The following TSPAN13 variants were observed in gnomAD, a reference collection of about 807,000 sequenced individuals.
TSPAN13 encodes the protein tetraspanin 13.
In TSPAN13, 18 loss-of-function variants were observed where a neutral mutation model predicts 26.9. The observed-to-expected ratio is 0.67, with a 90% CI of 0.46 to 0.99. The LOEUF is 0.99. Ranked by LOEUF, TSPAN13 falls within the 50% of genes least tolerant of loss-of-function variation. TSPAN13 has a pLI of 0.00. For synonymous variants in TSPAN13, 116 were observed against 98.4 expected, an observed-to-expected ratio of 1.18 and a Z score of -1.06; for missense variants, 201 against 249.6, an observed-to-expected ratio of 0.81 and a Z score of 1.31.
In TSPAN13 at chr7:16,767,006, A is replaced by C. The variant is rs567209957; in HGVS notation, c.64-9205A>C. 2.4e-4 allele frequency among the ~76,000 whole-genome samples: 37 copies of C among 152,248 alleles called. 1 individual carries two copies. The highest frequency in any genetic ancestry group is 2.4e-3 in the Admixed American group (37 of 15,292). The stretch of plus-strand genomic sequence containing the variant: ...GAGTGCAGTGGCTATTCCCAAGTGC[A>C]GTCACAACGCACTGCAGCCCAGGAC... On this transcript the variant is annotated intron_variant, in intron 1 of 5. Coordinates refer to ENST00000262067, the MANE Select transcript of TSPAN13 (RefSeq NM_014399.4).
intron 1 of TSPAN13, among the ~76,000 whole-genome samples, chr7:16,768,739 GCTACTTATTAAAGT>G (rs1784638982): frequency 6.6e-6 from 1 of 152,124 alleles, no homozygotes; most frequent in South Asian, 2.1e-4. Context: ...TTGTCACAAG[GCTACTTATTAAAGT>G]CTACTCTTTC....
Position 16,779,062 on chromosome 7 carries a change from T to C in TSPAN13, c.486T>C (p.Ala162=). ...SPCAPIIGEY[A]GEVLRFVGGI... is the part of the protein sequence containing the mutation. ...GTGCTCCAATCATAGGAGAATATGC[T>C]GGAGAGGTTTTGAGATTTGTTGGTG... Residue 162 remains alanine (A), a synonymous_variant, in exon 5 of 6, where the codon GCT becomes GCC. Transcript: ENST00000262067. 1 of 1,614,174 alleles carries C rather than the reference T, an allele frequency of 6.2e-7. No individual in the cohort carries two copies. Among genetic ancestry groups the C allele is most frequent in the Non-Finnish European group, 8.5e-7 (1 of 1,180,016 alleles).
chr7:16,783,196 T>C (rs1278625614), intron 5 of TSPAN13, among the ~76,000 whole-genome samples: 3 of 152,172 alleles, frequency 2.0e-5, no homozygotes, highest in African/African-American at 7.2e-5. Flanking sequence ...ATGGACATCC[T>C]TCAGGGCCAG....
chr7:16,754,131 G>A, intron 1 of TSPAN13, 101 bp downstream of exon 1: 2 of 1,224,414 alleles, frequency 1.6e-6, no homozygotes, highest in East Asian at 2.8e-5. Context: ...GTTGCATCCC[G>A]CGCCCCCTTC....
chr7:16,783,329 G>A, intron 5 of TSPAN13, 88 bp from the exon 6 acceptor site: 2 of 1,326,858 alleles, frequency 1.5e-6, no homozygotes, highest in Non-Finnish European at 2.1e-6. Context: ...GATTGAGAGG[G>A]TCCAAAGTTA....
chr7:16,770,426 T>A (rs1356029261), intron 1 of TSPAN13, among the ~76,000 whole-genome samples: 1 of 152,162 alleles, frequency 6.6e-6, no homozygotes, highest in Non-Finnish European at 1.5e-5. Flanking sequence ...GCCAGACTGC[T>A]CTTGAACAAC....
chr7:16,772,945 G>A (rs778509932), intron 1 of TSPAN13, among the ~76,000 whole-genome samples: 1 of 152,014 alleles, frequency 6.6e-6, no homozygotes, highest in Admixed American at 6.5e-5. Context: ...GCAGTGAGCC[G>A]AAATTGCGCC....
chr7:16,758,163 A>G (rs377174113), intron 1 of TSPAN13, among the ~76,000 whole-genome samples: 30 of 152,254 alleles, frequency 2.0e-4, no homozygotes, highest in African/African-American at 6.7e-4. Flanking sequence ...GATGCATTTT[A>G]TAGTAGATAA....
chr7:16,777,802 A>G lies in TSPAN13; in HGVS notation c.317A>G (p.Gln106Arg), dbSNP rs1784770175. 6 of 1,613,068 alleles carry G rather than the reference A, an allele frequency of 3.7e-6. No homozygotes were observed. Among genetic ancestry groups the G allele is most frequent in the Non-Finnish European group, 5.1e-6 (6 of 1,179,316 alleles). Residue 106 changes from glutamine (Q) to arginine (R), a missense_variant, in exon 4 of 6, where the codon CAG becomes CGG. Gln to Arg is a conservative substitution (Grantham distance 43). Coordinates refer to ENST00000262067, the MANE Select transcript of TSPAN13 (RefSeq NM_014399.4). ...TATATTAAACACATTTACTAGGGTC[A>G]GCTTCTGGAGGTTGGTTGGAACAAT... ...CLALNQEQQG[Q>R]LLEVGWNNTA... is the part of the protein sequence containing the mutation.
chr7:16,783,569 A>T lies in TSPAN13; in HGVS notation c.*78A>T, dbSNP rs1303721753. The T allele has an allele frequency of 5.3e-6, 7 of 1,332,034 alleles. No homozygotes were observed. In the African/African-American group the frequency reaches 8.6e-5, roughly 16 times the overall value. The allele number at this position is 1,332,034 out of a possible 1,614,324, so 82.5% of individuals were successfully genotyped here. A position where few individuals can be genotyped will look rare whatever the true frequency, so the allele number is the denominator to read the frequency against. ...AATTTTCTGTTAAGCTCCATTTGCCAGTTTAAGGAAGGAAACACTATCTGG... is the reference window on the plus strand; with the variant it reads ...AATTTTCTGTTAAGCTCCATTTGCCTGTTTAAGGAAGGAAACACTATCTGG... On this transcript the variant is annotated 3_prime_UTR_variant, in exon 6 of 6. Transcript: ENST00000262067.
At chr7:16,771,978 T>C (rs979835734) in intron 1 of TSPAN13, among the ~76,000 whole-genome samples, 1 of 152,196 alleles carries the variant, frequency 6.6e-6, no homozygotes, top group Non-Finnish European at 1.5e-5. Context: ...GTGAATATTC[T>C]AGATAACATT....
At chr7:16,764,113 GT>G (rs1784579944) in intron 1 of TSPAN13, among the ~76,000 whole-genome samples, 1 of 152,102 alleles carries the variant, frequency 6.6e-6, no homozygotes, top group African/African-American at 2.4e-5. Flanking sequence ...TGCCTGTCGG[GT>G]TCAAGCGATT....
At chr7:16,760,879 G>A (rs1456364845) in intron 1 of TSPAN13, among the ~76,000 whole-genome samples, 4 of 152,154 alleles carry the variant, frequency 2.6e-5, no homozygotes. Context: ...ATAATCCTCT[G>A]AACAATAAAG....
rs756231834 is a variant in TSPAN13, at chr7:16,777,934, G to C, written c.426+23G>C. 9 of 1,544,206 alleles carry C rather than the reference G, an allele frequency of 5.8e-6. No individual in the cohort carries two copies. In the African/African-American group the frequency reaches 8.2e-5, roughly 14 times the overall value. On this transcript the variant is annotated intron_variant, in intron 4 of 5. Transcript: ENST00000262067. ...GCTGTAAGTACATTGTATAATATAT[G>C]TTTTTGGAAATGTATTACAGATAAA...
At position 16,753,814 on chromosome 7, in the gene TSPAN13, GCC is replaced by G. The variant is rs1784449144; in HGVS notation, c.-153_-152del. On this transcript the variant is annotated 5_prime_UTR_variant, in exon 1 of 6. Coordinates refer to ENST00000262067, the MANE Select transcript of TSPAN13 (RefSeq NM_014399.4). Reference sequence around the variant, plus strand: ...GGGTCCGAGCCGCCGCCGCGCGCGCGCCGCGCACTGCAGCCCCAGGCCCCGGC... The same window carrying G: ...GGGTCCGAGCCGCCGCCGCGCGCGCGGCGCACTGCAGCCCCAGGCCCCGGC... 3.0e-6 allele frequency: 2 copies of G among 670,386 alleles called. No individual in the cohort carries two copies. Among genetic ancestry groups the G allele is most frequent in the Non-Finnish European group, 4.7e-6 (2 of 421,818 alleles). The allele number at this position is 670,386 out of a possible 1,614,324, so 41.5% of individuals were successfully genotyped here. A position where few individuals can be genotyped will look rare whatever the true frequency, so the allele number is the denominator to read the frequency against.
chr7:16,765,419 A>G lies in TSPAN13; in HGVS notation c.64-10792A>G, dbSNP rs137907595. Among the ~76,000 whole-genome samples, 207 of 152,216 alleles carry G rather than the reference A, an allele frequency of 1.4e-3. 1 individual carries two copies. Among genetic ancestry groups the G allele is most frequent in the African/African-American group, 4.6e-3 (192 of 41,540 alleles). On this transcript the variant is annotated intron_variant, in intron 1 of 5. Coordinates refer to ENST00000262067, the MANE Select transcript of TSPAN13 (RefSeq NM_014399.4). ...GCGCCTGGCCTGGCTGAGAATTTCT[A>G]TGTTCCTTGCAGTAGCACCTTCCTG...
intron 1 of TSPAN13, among the ~76,000 whole-genome samples, chr7:16,759,506 T>A (rs116390260): frequency 0.019 from 2,830 of 152,136 alleles, 81 homozygotes; most frequent in African/African-American, 0.064. Context: ...ATCACCTCCC[T>A]CCAGGCCCCA....
At chr7:16,770,192 TA>T (rs202227051) in intron 1 of TSPAN13, among the ~76,000 whole-genome samples, 2,270 of 151,084 alleles carry the variant, frequency 0.015, 61 homozygotes, top group African/African-American at 0.052. Context: ...TAATATTTTT[TA>T]TTTTATTATT....
chr7:16,772,961 A>G (rs1002211101), intron 1 of TSPAN13, among the ~76,000 whole-genome samples: 4 of 152,142 alleles, frequency 2.6e-5, no homozygotes, highest in Non-Finnish European at 4.4e-5. Flanking sequence ...GCGCCACTGC[A>G]CTCCAGCCCG....
Sources: allele counts gnomAD v4.1 joint callset (sites outside exome capture counted in the v4.1 genomes callset), GRCh38; gene constraint gnomAD v4.1.1; transcripts MANE v1.5; gene names NCBI Gene and HGNC (gene_info 2026-07-23, HGNC 2026-07-21).